Variants in OVCH1 observed in about 807,000 individuals in gnomAD.
OVCH1 encodes the protein ovochymase 1.
OVCH1 carries 139 observed loss-of-function variants against 138.4 expected under a neutral mutation model. That is an observed-to-expected ratio of 1.00 (90% confidence interval 0.87 to 1.16). OVCH1 has a LOEUF of 1.16. Among genes scored for constraint, OVCH1 ranks in the 50% most tolerant of loss-of-function variants. The pLI is 0.00. For missense variants in OVCH1, 1,367 were observed against 1,357.9 expected (o/e 1.01, Z -0.11); for synonymous variants, 453 against 467.8 (o/e 0.97, Z 0.41).
chr12:29,412,307 C>G (rs545027007), downstream of OVCH1, among the ~76,000 whole-genome samples: 1 of 152,188 alleles, frequency 6.6e-6, no homozygotes, highest in South Asian at 2.1e-4. Context: ...CGGTGAGCTG[C>G]GCACGGTGAG....
At chr12:29,478,961 C>A in intron 8 of OVCH1, 1 of 1,341,388 alleles carries the variant, frequency 7.5e-7, no homozygotes, top group Non-Finnish European at 1.0e-6. Context: ...ATTTTCCAAA[C>A]ATATAAGCTG....
At position 29,486,542 on chromosome 12, in the gene OVCH1, T is replaced by C. The variant is rs1592110629; in HGVS notation, c.893-194A>G. On this transcript the variant is annotated intron_variant, in intron 7 of 27. Coordinates refer to ENST00000318184, the Ensembl canonical transcript of OVCH1. ...CTAAAGGACTACGTGGAAGCAGGAATTGATTTGATTTGCTGGTTAGTGTGG... is the reference window on the plus strand; with the variant it reads ...CTAAAGGACTACGTGGAAGCAGGAACTGATTTGATTTGCTGGTTAGTGTGG... 1.3e-5 allele frequency among the ~76,000 whole-genome samples: 2 copies of C among 152,330 alleles called. 1 individual carries two copies. Among genetic ancestry groups the C allele is most frequent in the East Asian group, 3.9e-4 (2 of 5,178 alleles).
intron 4 of OVCH1, among the ~76,000 whole-genome samples, chr12:29,492,877 A>G (rs1943308983): frequency 6.6e-6 from 1 of 152,180 alleles, no homozygotes; most frequent in African/African-American, 2.4e-5. Context: ...GGGTAGGAGA[A>G]TAACTAATGG....
At chr12:29,480,085 G>A (rs61393421) in intron 8 of OVCH1, among the ~76,000 whole-genome samples, 1 of 151,972 alleles carries the variant, frequency 6.6e-6, no homozygotes, top group African/African-American at 2.4e-5. Flanking sequence ...GCTTCCCAAA[G>A]TGCTGGGATT....
At chr12:29,480,260 G>A (rs1010997322) in intron 8 of OVCH1, among the ~76,000 whole-genome samples, 1 of 152,120 alleles carries the variant, frequency 6.6e-6, no homozygotes, top group Admixed American at 6.6e-5. Flanking sequence ...TCCTTTTTGA[G>A]ATTAATTACA....
At chr12:29,406,658 G>A in the OVCH1 span, among the ~76,000 whole-genome samples, 3 of 148,566 alleles carry the variant, frequency 2.0e-5, no homozygotes, top group South Asian at 2.2e-4. Flanking sequence ...TGGCTGCATA[G>A]TATTCCATGG....
intron 16 of OVCH1, among the ~76,000 whole-genome samples, chr12:29,466,058 A>G (rs779388780): frequency 5.9e-5 from 8 of 135,310 alleles, no homozygotes; most frequent in African/African-American, 8.3e-5. Flanking sequence ...GAGAACACCT[A>G]GACACAGGAA....
downstream of OVCH1, among the ~76,000 whole-genome samples, chr12:29,426,963 G>T (rs543671771): frequency 3.4e-4 from 51 of 152,156 alleles, 1 homozygote; most frequent in Non-Finnish European, 7.1e-4. Context: ...GGACAGTGCA[G>T]GTGTAGACAA....
At chr12:29,445,440 T>C (rs7133304) in intron 22 of OVCH1, 37 bp from the exon 23 acceptor site, 377,735 of 1,561,122 alleles carry the variant, frequency 0.24, 48,186 homozygotes, top group Admixed American at 0.46. Context: ...AAAATAAGAA[T>C]GAAAATTTGA....
exon 1 of OVCH1, chr12:29,497,623 C>T (rs1403875432): frequency 6.2e-7 from 1 of 1,613,876 alleles, no homozygotes; most frequent in East Asian, 2.2e-5. Flanking sequence ...CTAGGCTCAC[C>T]TAGGCTTCTG....
At chr12:29,491,612 T>C (rs1219331585) in intron 4 of OVCH1, among the ~76,000 whole-genome samples, 2 of 152,080 alleles carry the variant, frequency 1.3e-5, no homozygotes, top group Non-Finnish European at 2.9e-5. Context: ...CCTGGGAAGC[T>C]TAGAAAAAAT....
chr12:29,488,792 G>A (rs1943192192), intron 6 of OVCH1, among the ~76,000 whole-genome samples: 1 of 152,108 alleles, frequency 6.6e-6, no homozygotes, highest in Non-Finnish European at 1.5e-5. Flanking sequence ...CTCAAAAGGT[G>A]TAGAGGGCTT....
exon 23 of OVCH1, chr12:29,445,315 A>G: frequency 1.2e-6 from 2 of 1,612,104 alleles, no homozygotes; most frequent in South Asian, 2.2e-5. Flanking sequence ...TACCAAATGC[A>G]CCTCGTACAA....
At chr12:29,446,608 A>T (rs537619361) in intron 22 of OVCH1, among the ~76,000 whole-genome samples, 2 of 152,264 alleles carry the variant, frequency 1.3e-5, no homozygotes, top group South Asian at 4.1e-4. Flanking sequence ...GGGATTCCTC[A>T]GGTAATCTAC....
At chr12:29,410,578 T>A (rs1243813028), downstream of OVCH1, among the ~76,000 whole-genome samples, 1 of 63,058 alleles carries the variant, frequency 1.6e-5, no homozygotes, top group East Asian at 3.2e-4. Context: ...AAGCTTAGTT[T>A]GGCTGGATAT....
chr12:29,455,233 T>C lies in OVCH1; in HGVS notation c.2437+16A>G, dbSNP rs778018079. The C allele has an allele frequency of 6.2e-7, 1 of 1,610,756 alleles. No individual in the cohort carries two copies. Among genetic ancestry groups the C allele is most frequent in the Non-Finnish European group, 8.5e-7 (1 of 1,178,526 alleles). On this transcript the variant is annotated intron_variant, in intron 20 of 27. Coordinates refer to ENST00000318184, the Ensembl canonical transcript of OVCH1. ...GAAAGAGGTTATTGTTTTAATAACATTTGAAAACAATTTACCATTGATTTT... is the reference window on the plus strand; with the variant it reads ...GAAAGAGGTTATTGTTTTAATAACACTTGAAAACAATTTACCATTGATTTT...
At chr12:29,496,339 G>A (rs1373492072) in intron 2 of OVCH1, 61 bp from the exon 3 acceptor site, 23 of 1,362,866 alleles carry the variant, frequency 1.7e-5, no homozygotes, top group Non-Finnish European at 2.2e-5. Flanking sequence ...TATCTCCATC[G>A]GAAACACTGG....
intron 2 of OVCH1, 81 bp from the exon 3 acceptor site, chr12:29,496,359 T>C (rs778225073): frequency 3.9e-6 from 5 of 1,268,344 alleles, no homozygotes; most frequent in Non-Finnish European, 5.6e-6. Context: ...GAGATCAACT[T>C]TTCTAATCTG....
intron 22 of OVCH1, among the ~76,000 whole-genome samples, chr12:29,447,510 C>T (rs1207627781): frequency 1.3e-5 from 2 of 152,058 alleles, no homozygotes; most frequent in East Asian, 3.9e-4. Flanking sequence ...AAAAAGAAAA[C>T]GGTCCGAGTC....
Sources: gnomAD v4.1 joint callset for allele counts (sites outside exome capture counted in the v4.1 genomes callset) on GRCh38, gnomAD v4.1.1 for gene constraint, MANE v1.5 for transcripts, NCBI Gene and HGNC (gene_info 2026-07-23, HGNC 2026-07-21) for gene names.